Variants in MIGA1 observed in about 807,000 individuals in gnomAD.
MIGA1 encodes mitoguardin 1.
MIGA1 carries 58 observed loss-of-function variants against 82.0 expected under a neutral mutation model. The observed-to-expected ratio is 0.71, with a 90% CI of 0.57 to 0.88. The LOEUF (loss-of-function observed/expected upper bound fraction) is 0.88, where lower values mean the gene tolerates loss of function less well. Ranked by LOEUF, MIGA1 falls within the 40% of genes least tolerant of loss-of-function variation. MIGA1 has a pLI of 0.00. For missense variants in MIGA1, 751 were observed against 749.1 expected (o/e 1.00, Z -0.03); for synonymous variants, 249 against 253.6 (o/e 0.98, Z 0.17).
At position 77,879,418 on chromosome 1, in the gene MIGA1, C is replaced by T. The variant is rs1283878108; in HGVS notation, c.*4354C>T. 1 of 152,114 alleles carries T rather than the reference C, an allele frequency of 6.6e-6. No homozygotes were observed. Among genetic ancestry groups the T allele is most frequent in the Non-Finnish European group, 1.5e-5 (1 of 68,016 alleles). 9.4% of individuals were successfully genotyped at this position (152,114 alleles called of 1,614,324 possible). On this transcript the variant is annotated 3_prime_UTR_variant, in exon 16 of 16. Coordinates refer to ENST00000370791, the MANE Select transcript of MIGA1 (RefSeq NM_198549.4). ...CTGTCTCCTAAATGTAAGGACTGTA[C>T]TCATTAATTTGTGTAAAAGTAAAAC...
chr1:77,858,316 C>T (rs560369540), intron 8 of MIGA1, among the ~76,000 whole-genome samples: 9 of 151,358 alleles, frequency 5.9e-5, no homozygotes, highest in Admixed American at 5.9e-4. Flanking sequence ...CACTGTACTC[C>T]AGCCTGGGTG....
At chr1:77,793,292 G>A (rs1682506658) in intron 2 of MIGA1, among the ~76,000 whole-genome samples, 1 of 151,642 alleles carries the variant, frequency 6.6e-6, no homozygotes, top group Non-Finnish European at 1.5e-5. Context: ...TTGTAGAGAC[G>A]GGGTCTCACC....
chr1:77,812,206 C>T (rs996627562), intron 5 of MIGA1, among the ~76,000 whole-genome samples: 20 of 152,050 alleles, frequency 1.3e-4, no homozygotes, highest in East Asian at 1.2e-3. Context: ...TGGTGGCTCA[C>T]GCCTGTAATC....
At chr1:77,804,541 T>G (rs957427776) in intron 4 of MIGA1, among the ~76,000 whole-genome samples, 1 of 151,952 alleles carries the variant, frequency 6.6e-6, no homozygotes, top group Non-Finnish European at 1.5e-5. Flanking sequence ...AGAGAAACTT[T>G]GTCTCTAAAA....
intron 8 of MIGA1, among the ~76,000 whole-genome samples, chr1:77,844,100 TA>T (rs140327554): frequency 0.11 from 7,816 of 68,058 alleles, 395 homozygotes; most frequent in East Asian, 0.27. Flanking sequence ...GACCCTGTCT[TA>T]AAAAAAAAAA....
At chr1:77,793,762 GC>G (rs1394869784) in intron 2 of MIGA1, among the ~76,000 whole-genome samples, 1 of 150,050 alleles carries the variant, frequency 6.7e-6, no homozygotes, top group Admixed American at 6.7e-5. Flanking sequence ...ACTGTGCCTG[GC>G]TGCTTTACTA....
At position 77,807,085 on chromosome 1, in the gene MIGA1, G is replaced by A. The variant is rs1389202521; in HGVS notation, c.621G>A (p.Glu207=). ...TTAATATTCCTGTGACTACTCCAGA[G>A]AACTTATACTTAATGGGTAGGAATG... Residue 207 remains glutamate, a synonymous_variant, in exon 5 of 16, where the codon GAG becomes GAA. Transcript: ENST00000370791. 6.3e-7 allele frequency: 1 copy of A among 1,589,058 alleles called. No individual in the cohort carries two copies. The highest frequency in any genetic ancestry group is 1.1e-5 in the South Asian group (1 of 88,998).
chr1:77,793,734 G>A (rs963938115), intron 2 of MIGA1, among the ~76,000 whole-genome samples: 1 of 151,290 alleles, frequency 6.6e-6, no homozygotes, highest in Admixed American at 6.6e-5. Flanking sequence ...CAAAGTGCTG[G>A]GATTACAGGC....
chr1:77,859,221 A>C (rs1182399692), intron 9 of MIGA1, 93 bp from the exon 10 acceptor site: 6 of 1,085,278 alleles, frequency 5.5e-6, no homozygotes, highest in Non-Finnish European at 8.5e-6. Context: ...TTTTATATTA[A>C]GGTCCTGAGG....
At chr1:77,864,954 A>G (rs1301835850) in intron 13 of MIGA1, among the ~76,000 whole-genome samples, 2 of 152,184 alleles carry the variant, frequency 1.3e-5, no homozygotes, top group Non-Finnish European at 2.9e-5. Flanking sequence ...TCCAGTTGGC[A>G]ATTTCACAAT....
chr1:77,818,036 G>A (rs7556227), intron 7 of MIGA1, among the ~76,000 whole-genome samples: 95,306 of 147,304 alleles, frequency 0.65, 31,899 homozygotes, highest in Admixed American at 0.74. Context: ...GCTTACTACA[G>A]CCTCTGCCTC....
chr1:77,858,564 C>T (rs1685347657), intron 8 of MIGA1, among the ~76,000 whole-genome samples: 1 of 151,958 alleles, frequency 6.6e-6, no homozygotes, highest in South Asian at 2.1e-4. Context: ...TATTTTCTTT[C>T]CTTTATAGTT....
intron 7 of MIGA1, among the ~76,000 whole-genome samples, chr1:77,838,439 CTTAT>C (rs1223546568): frequency 2.6e-5 from 4 of 151,486 alleles, no homozygotes. Flanking sequence ...TACCTTCTAT[CTTAT>C]TTATTTATTT....
intron 7 of MIGA1, among the ~76,000 whole-genome samples, chr1:77,838,224 T>C (rs1570979758): frequency 6.6e-6 from 1 of 152,200 alleles, no homozygotes; most frequent in Admixed American, 6.5e-5. Flanking sequence ...TACAGCAAAA[T>C]GTAAAACATT....
At chr1:77,822,131 TA>T (rs67234861) in intron 7 of MIGA1, among the ~76,000 whole-genome samples, 10,427 of 151,742 alleles carry the variant, frequency 0.069, 413 homozygotes, top group East Asian at 0.11. Context: ...TGCATACATA[TA>T]AAAAAAAATC....
At chr1:77,814,122 C>T (rs1231378112) in intron 6 of MIGA1, among the ~76,000 whole-genome samples, 2 of 151,972 alleles carry the variant, frequency 1.3e-5, no homozygotes, top group Non-Finnish European at 2.9e-5. Flanking sequence ...CTCCTGGCCT[C>T]AGGCAGCACT....
At position 77,878,725 on chromosome 1, in the gene MIGA1, T is replaced by A. The variant is rs1172226442; in HGVS notation, c.*3661T>A. The A allele has an allele frequency of 5.3e-6, 2 of 380,684 alleles. No homozygotes were observed. The highest frequency in any genetic ancestry group is 7.3e-5 in the East Asian group (2 of 27,314). 23.6% of individuals were successfully genotyped at this position (380,684 alleles called of 1,614,324 possible). A position where few individuals can be genotyped will look rare whatever the true frequency, so the allele number is the denominator to read the frequency against. ...GTATTTTAATTTCCCTACATTTTTG[T>A]TCAACTAAGAGTGCTTATTTCTTCT... On this transcript the variant is annotated 3_prime_UTR_variant, in exon 16 of 16. Coordinates refer to ENST00000370791, the MANE Select transcript of MIGA1 (RefSeq NM_198549.4).
chr1:77,864,682 A>G (rs1306308877), intron 13 of MIGA1, among the ~76,000 whole-genome samples: 2 of 152,192 alleles, frequency 1.3e-5, no homozygotes, highest in African/African-American at 4.8e-5. Flanking sequence ...ATCTCAAAAA[A>G]ATGTCAAAAC....
intron 8 of MIGA1, among the ~76,000 whole-genome samples, chr1:77,845,299 C>T (rs1684793839): frequency 6.6e-6 from 1 of 152,058 alleles, no homozygotes; most frequent in Non-Finnish European, 1.5e-5. Flanking sequence ...TCATTATATA[C>T]ATATTTGTCT....
Sources: gnomAD v4.1 joint callset for allele counts (sites outside exome capture counted in the v4.1 genomes callset) on GRCh38, gnomAD v4.1.1 for gene constraint, MANE v1.5 for transcripts, NCBI Gene and HGNC (gene_info 2026-07-23, HGNC 2026-07-21) for gene names.